The following UGT1A9 variants were observed in gnomAD, a reference collection of about 807,000 sequenced individuals.
UGT1A9 encodes UDP-glucuronosyltransferase 1A9.
In UGT1A9, 35 loss-of-function variants were observed where a neutral mutation model predicts 45.0. The observed-to-expected ratio is 0.78, with a 90% CI of 0.59 to 1.03. The LOEUF is 1.03. Among genes scored for constraint, UGT1A9 ranks in the 50% least tolerant of loss-of-function variants. UGT1A9 has a pLI of 0.00. For missense variants in UGT1A9, 687 were observed against 666.6 expected (o/e 1.03, Z -0.34); for synonymous variants, 278 against 250.6 (o/e 1.11, Z -1.03).
Position 233,768,355 on chromosome 2 carries a change from A to AG in UGT1A9, c.1214dup (p.Ala406SerfsTer13), listed in dbSNP as rs758192306. 7.4e-6 allele frequency: 12 copies of AG among 1,614,082 alleles called. No individual in the cohort carries two copies. Among genetic ancestry groups the AG allele is most frequent in the Non-Finnish European group, 1.0e-5 (12 of 1,180,036 alleles). On this transcript the variant is annotated frameshift_variant, in exon 4 of 5. Transcript: ENST00000354728. LOFTEE classifies it high-confidence loss of function. The stretch of plus-strand genomic sequence containing the variant: ...GACAATGCAAAGCGCATGGAGACTA[A>AG]GGGAGCTGGAGTGACCCTGAATGTT...
chr2:233,684,100 T>C (rs1272642973), intron 1 of UGT1A9, among the ~76,000 whole-genome samples: 11 of 152,174 alleles, frequency 7.2e-5, no homozygotes, highest in Admixed American at 7.2e-4. Flanking sequence ...GTATACATTT[T>C]TATCTATTGT....
At chr2:233,728,557 A>T (rs190814480) in intron 1 of UGT1A9, among the ~76,000 whole-genome samples, 41 of 152,308 alleles carry the variant, frequency 2.7e-4, no homozygotes, top group African/African-American at 9.6e-4. Context: ...TGATCCTTAC[A>T]AGAAATATCC....
intron 1 of UGT1A9, among the ~76,000 whole-genome samples, chr2:233,704,813 G>T (rs944925351): frequency 6.6e-6 from 1 of 152,102 alleles, no homozygotes; most frequent in South Asian, 2.1e-4. Flanking sequence ...TATGTATATT[G>T]CTTTTTAGGA....
chr2:233,696,492 G>A (rs181370414), intron 1 of UGT1A9, among the ~76,000 whole-genome samples: 10 of 152,182 alleles, frequency 6.6e-5, no homozygotes, highest in Admixed American at 1.3e-4. Context: ...CAACTTTACC[G>A]AATTTGCTTG....
At chr2:233,700,606 T>G (rs189379558) in intron 1 of UGT1A9, among the ~76,000 whole-genome samples, 23 of 152,322 alleles carry the variant, frequency 1.5e-4, no homozygotes, top group Admixed American at 4.6e-4. Flanking sequence ...TTCACTCTTT[T>G]TTTGGGGGGG....
chr2:233,731,290 T>TC (rs2078133988), intron 1 of UGT1A9, among the ~76,000 whole-genome samples: 1 of 151,998 alleles, frequency 6.6e-6, no homozygotes, highest in Non-Finnish European at 1.5e-5. Context: ...CTTTCTTTTT[T>TC]TTTTTTTTAT....
At chr2:233,707,104 C>G (rs2075941348) in intron 1 of UGT1A9, among the ~76,000 whole-genome samples, 1 of 152,018 alleles carries the variant, frequency 6.6e-6, no homozygotes, top group Admixed American at 6.6e-5. Context: ...GCTGAGGGAC[C>G]CCCAAAATAC....
chr2:233,681,907 C>G, intron 1 of UGT1A9: 2 of 1,596,872 alleles, frequency 1.3e-6, no homozygotes, highest in Non-Finnish European at 1.7e-6. Context: ...GCTTAGAATC[C>G]CAGCTGCTGG....
At chr2:233,726,665 C>A (rs560065117) in intron 1 of UGT1A9, among the ~76,000 whole-genome samples, 2 of 152,280 alleles carry the variant, frequency 1.3e-5, no homozygotes, top group East Asian at 3.9e-4. Flanking sequence ...TTAATCATAT[C>A]TGTGAAGTCT....
intron 1 of UGT1A9, among the ~76,000 whole-genome samples, chr2:233,742,480 C>T (rs1691993513): frequency 6.6e-6 from 1 of 151,918 alleles, no homozygotes; most frequent in Non-Finnish European, 1.5e-5. Flanking sequence ...AACTCACAAC[C>T]TTCAGCATAG....
chr2:233,691,450 C>T, intron 1 of UGT1A9: 2 of 985,704 alleles, frequency 2.0e-6, no homozygotes, highest in Non-Finnish European at 2.4e-6. Flanking sequence ...TTCTCCCTTC[C>T]TGGGCCCCAG....
chr2:233,720,853 G>GT (rs1012802434), intron 1 of UGT1A9, among the ~76,000 whole-genome samples: 2 of 150,286 alleles, frequency 1.3e-5, no homozygotes, highest in Admixed American at 6.6e-5. Flanking sequence ...CTGCAGGCAT[G>GT]TGCCACTGCT....
At chr2:233,755,966 T>C (rs1157014475) in intron 1 of UGT1A9, 5 of 152,190 alleles carry the variant, frequency 3.3e-5, no homozygotes, top group African/African-American at 7.2e-5. Context: ...CTTGGCTCTA[T>C]AGAGAGGTGG....
intron 1 of UGT1A9, among the ~76,000 whole-genome samples, chr2:233,715,257 C>G (rs193085198): frequency 6.6e-6 from 1 of 152,042 alleles, no homozygotes; most frequent in Admixed American, 6.5e-5. Flanking sequence ...TTAAAAAATC[C>G]CCTTACATAA....
At chr2:233,673,994 T>C (rs1373102552) in intron 1 of UGT1A9, among the ~76,000 whole-genome samples, 2 of 152,320 alleles carry the variant, frequency 1.3e-5, no homozygotes, top group Non-Finnish European at 2.9e-5. Context: ...CACTTGTGAT[T>C]GAAAAGTCCA....
In UGT1A9 at chr2:233,693,134, G is replaced by C. The variant is rs767703127; in HGVS notation, c.855+20345G>C. 20 of 1,614,202 alleles carry C rather than the reference G, an allele frequency of 1.2e-5. No individual in the cohort carries two copies. The highest frequency in any genetic ancestry group is 1.6e-4 in the Middle Eastern group (1 of 6,062). ...CGGAAGCCACTGGCTTAGTATGAAG[G>C]ATATAGTTGAGGTTCTCAGTGACCG... On this transcript the variant is annotated intron_variant, in intron 1 of 4. Transcript: ENST00000354728.
At chr2:233,742,599 A>G (rs1331499090) in intron 1 of UGT1A9, among the ~76,000 whole-genome samples, 1 of 151,848 alleles carries the variant, frequency 6.6e-6, no homozygotes, top group Non-Finnish European at 1.5e-5. Context: ...GCAACCTACC[A>G]TAGTTGGAGA....
At chr2:233,716,361 T>C (rs527757463) in intron 1 of UGT1A9, among the ~76,000 whole-genome samples, 4 of 152,352 alleles carry the variant, frequency 2.6e-5, no homozygotes, top group Admixed American at 2.0e-4. Flanking sequence ...AGATACTTTG[T>C]GGGGCTGTGA....
intron 1 of UGT1A9, among the ~76,000 whole-genome samples, chr2:233,724,104 C>T (rs1174163777): frequency 1.9e-4 from 20 of 105,450 alleles, no homozygotes; most frequent in African/African-American, 7.3e-4. Context: ...CCAGTAGGGG[C>T]GGCCGGGCAG....
Sources: allele counts gnomAD v4.1 joint callset (sites outside exome capture counted in the v4.1 genomes callset), GRCh38; gene constraint gnomAD v4.1.1; transcripts MANE v1.5; gene names NCBI Gene and HGNC (gene_info 2026-07-23, HGNC 2026-07-21).